DLC1: variants seen among roughly 807,000 people sequenced by gnomAD.
DLC1 encodes rho GTPase-activating protein 7.
Under a neutral mutation model 140.3 loss-of-function variants are expected in DLC1, and 54 were observed. The observed-to-expected ratio is 0.38, with a 90% CI of 0.31 to 0.48. The LOEUF (loss-of-function observed/expected upper bound fraction) is 0.48. Among genes scored for constraint, DLC1 ranks in the 20% least tolerant of loss-of-function variants. The pLI is 0.96. For missense variants in DLC1, 2,536 were observed against 1,907.0 expected, an observed-to-expected ratio of 1.33 and a Z score of -6.14; for synonymous variants, 986 against 728.1, an observed-to-expected ratio of 1.35 and a Z score of -5.70.
intron 2 of DLC1, among the ~76,000 whole-genome samples, chr8:13,416,318 A>G (rs967381031): frequency 2.6e-5 from 4 of 152,230 alleles, no homozygotes; most frequent in Non-Finnish European, 5.9e-5. Context: ...AACAATCTCC[A>G]TAACCTAATA....
intron 1 of DLC1, among the ~76,000 whole-genome samples, chr8:13,603,811 A>G (rs571306851): frequency 6.6e-6 from 1 of 152,216 alleles, no homozygotes; most frequent in Admixed American, 6.5e-5. Flanking sequence ...TCCCAACCTC[A>G]AAGGCAACCG....
At chr8:13,271,276 C>G (rs962300629) in intron 5 of DLC1, among the ~76,000 whole-genome samples, 3 of 152,194 alleles carry the variant, frequency 2.0e-5, no homozygotes, top group Non-Finnish European at 4.4e-5. Context: ...CTACATCACT[C>G]ATGGTTAAAA....
At chr8:13,240,420 A>T (rs1180621459) in intron 5 of DLC1, among the ~76,000 whole-genome samples, 1 of 152,126 alleles carries the variant, frequency 6.6e-6, no homozygotes, top group East Asian at 1.9e-4. Context: ...TAATATACAC[A>T]TATATGTACA....
intron 2 of DLC1, among the ~76,000 whole-genome samples, chr8:13,475,544 A>ATT (rs1800398108): frequency 6.6e-6 from 1 of 152,240 alleles, no homozygotes; most frequent in Non-Finnish European, 1.5e-5. Context: ...AAAATAACCT[A>ATT]TTCTGAATAG....
chr8:13,220,301 G>C (rs574682727), intron 5 of DLC1, among the ~76,000 whole-genome samples: 7 of 152,268 alleles, frequency 4.6e-5, no homozygotes, highest in Non-Finnish European at 7.4e-5. Flanking sequence ...ATTTGAATTT[G>C]AATCCGAATT....
intron 5 of DLC1, among the ~76,000 whole-genome samples, chr8:13,287,876 A>G (rs1341375730): frequency 3.3e-5 from 5 of 151,814 alleles, no homozygotes; most frequent in African/African-American, 1.2e-4. Flanking sequence ...TTTTCCTTTT[A>G]TCTAGCTTTT....
chr8:13,550,695 C>T (rs1406391156), intron 1 of DLC1, among the ~76,000 whole-genome samples: 1 of 151,992 alleles, frequency 6.6e-6, no homozygotes, highest in East Asian at 1.9e-4. Context: ...TTAATTAAAG[C>T]TTAAACACTG....
intron 1 of DLC1, among the ~76,000 whole-genome samples, chr8:13,598,903 T>G (rs1474691332): frequency 6.6e-6 from 1 of 151,838 alleles, no homozygotes; most frequent in Non-Finnish European, 1.5e-5. Flanking sequence ...AACTAATATT[T>G]TCATTATTCT....
At chr8:13,555,516 G>A (rs1033485067) in intron 1 of DLC1, among the ~76,000 whole-genome samples, 7 of 151,998 alleles carry the variant, frequency 4.6e-5, no homozygotes, top group Non-Finnish European at 1.0e-4. Context: ...TTTTGAGACG[G>A]AGTCTCACTC....
intron 1 of DLC1, among the ~76,000 whole-genome samples, chr8:13,555,024 T>C (rs1803991607): frequency 6.6e-6 from 1 of 152,236 alleles, no homozygotes; most frequent in South Asian, 2.1e-4. Context: ...TTCTGTTCTC[T>C]CAGTCTTGTA....
In DLC1 at chr8:13,334,968, CAG is replaced by C. The variant is rs1789411752; in HGVS notation, c.1315-29668_1315-29667del. 6.6e-5 allele frequency among the ~76,000 whole-genome samples: 10 copies of C among 152,250 alleles called. No individual in the cohort carries two copies. The South Asian group carries it at 2.1e-3, about 32-fold the overall frequency. Reference sequence around the variant, plus strand: ...TGACTGTTAAGGCTGTAATAAATGGCAGAGTCTGAATTAGCCCACAGAAAATC... The same window carrying C: ...TGACTGTTAAGGCTGTAATAAATGGCAGTCTGAATTAGCCCACAGAAAATC... On this transcript the variant is annotated intron_variant, in intron 4 of 17. Coordinates refer to ENST00000276297, the MANE Select transcript of DLC1 (RefSeq NM_182643.3).
intron 5 of DLC1, among the ~76,000 whole-genome samples, chr8:13,183,460 A>G (rs1478000168): frequency 6.6e-6 from 1 of 152,120 alleles, no homozygotes; most frequent in East Asian, 1.9e-4. Flanking sequence ...GTTTGTCATA[A>G]ATACCTCTTA....
chr8:13,097,722 TC>T (rs1276826944), intron 10 of DLC1, among the ~76,000 whole-genome samples: 1 of 152,142 alleles, frequency 6.6e-6, no homozygotes, highest in Non-Finnish European at 1.5e-5. Context: ...AGTGGATTAT[TC>T]TTAATATTGG....
At chr8:13,234,869 C>T (rs1230589277) in intron 5 of DLC1, among the ~76,000 whole-genome samples, 1 of 151,818 alleles carries the variant, frequency 6.6e-6, no homozygotes, top group African/African-American at 2.4e-5. Context: ...AAACAGAAAA[C>T]CAAAACAAAA....
chr8:13,162,847 T>C (rs77772081), intron 5 of DLC1, among the ~76,000 whole-genome samples: 2,401 of 152,146 alleles, frequency 0.016, 64 homozygotes, highest in African/African-American at 0.054. Context: ...GGCAGAAGGA[T>C]CTCTTGAGCC....
intron 5 of DLC1, among the ~76,000 whole-genome samples, chr8:13,220,375 G>A (rs973135546): frequency 3.9e-5 from 6 of 152,106 alleles, no homozygotes; most frequent in African/African-American, 9.7e-5. Flanking sequence ...TGAGCAGCCT[G>A]GCTTGTGTAA....
chr8:13,523,362 C>G (rs1028016355), intron 1 of DLC1, among the ~76,000 whole-genome samples: 1 of 151,940 alleles, frequency 6.6e-6, no homozygotes, highest in Admixed American at 6.6e-5. Flanking sequence ...ATGGAGTCAT[C>G]ATCAATTAAA....
At chr8:13,366,864 G>A (rs1048348462) in intron 4 of DLC1, among the ~76,000 whole-genome samples, 2 of 151,958 alleles carry the variant, frequency 1.3e-5, no homozygotes, top group Non-Finnish European at 2.9e-5. Context: ...CCTTCTGGCC[G>A]GGCTCTCCCA....
chr8:13,386,879 G>A (rs1836547358), intron 4 of DLC1, among the ~76,000 whole-genome samples: 1 of 151,904 alleles, frequency 6.6e-6, no homozygotes, highest in Admixed American at 6.6e-5. Flanking sequence ...AATAAACAAT[G>A]AGGATCTTAC....
Sources: gnomAD v4.1 joint callset for allele counts (sites outside exome capture counted in the v4.1 genomes callset) on GRCh38, gnomAD v4.1.1 for gene constraint, MANE v1.5 for transcripts, NCBI Gene and HGNC (gene_info 2026-07-23, HGNC 2026-07-21) for gene names.